The following AK9 variants were observed in gnomAD, a reference collection of about 807,000 sequenced individuals.
AK9 encodes the protein adenylate kinase domain containing 1.
A neutral mutation model predicts 239.6 loss-of-function variants in AK9; 191 were observed. That is an observed-to-expected ratio of 0.80 (90% CI 0.71 to 0.90). The LOEUF (loss-of-function observed/expected upper bound fraction) is 0.90, where lower values mean the gene tolerates loss of function less well. Ranked by LOEUF, AK9 falls within the 40% of genes least tolerant of loss-of-function variation. AK9 has a pLI of 0.00. For synonymous variants in AK9, 689 were observed against 721.0 expected (o/e 0.96, Z 0.71); for missense variants, 1,995 against 2,214.7 (o/e 0.90, Z 1.99).
chr6:109,622,500 T>C (rs185330567), intron 12 of AK9, among the ~76,000 whole-genome samples: 1 of 115,236 alleles, frequency 8.7e-6, no homozygotes, highest in Admixed American at 1.1e-4. Flanking sequence ...GTTAATATTA[T>C]ATTACTATTA....
intron 6 of AK9, among the ~76,000 whole-genome samples, chr6:109,659,948 T>C (rs1422141795): frequency 6.6e-6 from 1 of 152,200 alleles, no homozygotes; most frequent in Non-Finnish European, 1.5e-5. Flanking sequence ...ATGAGAAAAC[T>C]GAATCCAGGT....
At chr6:109,655,565 C>T (rs942930937) in intron 8 of AK9, among the ~76,000 whole-genome samples, 1 of 152,008 alleles carries the variant, frequency 6.6e-6, no homozygotes, top group Admixed American at 6.6e-5. Flanking sequence ...ATTCTTTTTC[C>T]TTTGTATCTT....
At chr6:109,691,010 T>C (rs1774315097) in intron 1 of AK9, 137 bp downstream of exon 1, 1 of 253,902 alleles carries the variant, frequency 3.9e-6, no homozygotes, top group Non-Finnish European at 7.9e-6. Context: ...GGATCTATCC[T>C]GCAACTCGGA....
rs747242201 is a variant in AK9 at position 109,529,074 on chromosome 6, C to A, written c.3571-1G>T. On this transcript the variant is annotated splice_acceptor_variant, in intron 28 of 40. Coordinates refer to ENST00000424296, the MANE Select transcript of AK9 (RefSeq NM_001145128.3). LOFTEE classifies it high-confidence loss of function. ...CCCTTCTTTTAGCAATCGTATCAACCTGTTAAAGAAAGAGACATTAAAAAA... is the reference window on the plus strand; with the variant it reads ...CCCTTCTTTTAGCAATCGTATCAACATGTTAAAGAAAGAGACATTAAAAAA... 13 of 1,566,424 alleles carry A rather than the reference C, an allele frequency of 8.3e-6. No homozygotes were observed. The highest frequency in any genetic ancestry group is 1.1e-5 in the Non-Finnish European group (13 of 1,164,456).
intron 15 of AK9, among the ~76,000 whole-genome samples, chr6:109,613,754 C>T (rs140064748): frequency 5.4e-4 from 81 of 151,264 alleles, no homozygotes; most frequent in Admixed American, 1.2e-3. Flanking sequence ...TAATGTAATG[C>T]TATATGCTCT....
chr6:109,659,134 C>T, intron 7 of AK9, 94 bp downstream of exon 7: 3 of 1,343,826 alleles, frequency 2.2e-6, no homozygotes, highest in Non-Finnish European at 2.9e-6. Context: ...AAATGTATAG[C>T]ATCTACTATT....
intron 29 of AK9, chr6:109,528,367 A>G (rs1780779038): frequency 5.5e-6 from 2 of 360,816 alleles, no homozygotes; most frequent in Admixed American, 3.7e-5. Flanking sequence ...AGTTTTGCTC[A>G]TGGCTGATTT....
At chr6:109,498,401 T>G (rs1777281522) in intron 36 of AK9, among the ~76,000 whole-genome samples, 2 of 152,252 alleles carry the variant, frequency 1.3e-5, no homozygotes, top group South Asian at 4.1e-4. Flanking sequence ...TTAAAAATTC[T>G]ATGATTACCA....
chr6:109,497,348 ACACACACACACACACT>A (rs1562314278), intron 38 of AK9, 101 bp downstream of exon 38: 2 of 623,310 alleles, frequency 3.2e-6, no homozygotes, highest in African/African-American at 5.4e-5. Flanking sequence ...ACACACACAC[ACACACACACACACACT>A]CTCTCTCTCT....
At chr6:109,599,223 C>G (rs1245575909) in intron 17 of AK9, among the ~76,000 whole-genome samples, 1 of 152,146 alleles carries the variant, frequency 6.6e-6, no homozygotes, top group Non-Finnish European at 1.5e-5. Context: ...ACATTTAAGT[C>G]TTTAATCCAT....
At chr6:109,531,501 C>A (rs1315567865) in intron 28 of AK9, among the ~76,000 whole-genome samples, 2 of 151,996 alleles carry the variant, frequency 1.3e-5, no homozygotes, top group African/African-American at 4.8e-5. Context: ...AGTACAACAG[C>A]CACTAGCTGT....
chr6:109,686,779 G>A (rs904200873), intron 1 of AK9, among the ~76,000 whole-genome samples: 1 of 152,208 alleles, frequency 6.6e-6, no homozygotes, highest in African/African-American at 2.4e-5. Flanking sequence ...CTGGTCATGG[G>A]ATATCAAGTG....
intron 35 of AK9, among the ~76,000 whole-genome samples, chr6:109,499,472 A>G (rs569514329): frequency 2.6e-5 from 4 of 152,142 alleles, no homozygotes; most frequent in Non-Finnish European, 4.4e-5. Flanking sequence ...TCTTTTTTCT[A>G]TACCTTCACA....
intron 8 of AK9, among the ~76,000 whole-genome samples, chr6:109,648,780 C>T (rs1468316195): frequency 6.6e-6 from 1 of 152,156 alleles, no homozygotes; most frequent in Non-Finnish European, 1.5e-5. Context: ...CTGGCAGAGA[C>T]ACAACCAAAA....
Position 109,523,929 on chromosome 6 carries a change from T to C in AK9, c.3633+5082A>G, listed in dbSNP as rs1010674588. Among the ~76,000 whole-genome samples, 5 of 152,082 alleles carry C rather than the reference T, an allele frequency of 3.3e-5. No individual in the cohort carries two copies. The South Asian group carries it at 1.0e-3, about 32-fold the overall frequency. ...TTCTCTTTGGAGGTACATAACAAAGTCCAGAATCCCCACAATATAACATTT... is the reference window on the plus strand; with the variant it reads ...TTCTCTTTGGAGGTACATAACAAAGCCCAGAATCCCCACAATATAACATTT... On this transcript the variant is annotated intron_variant, in intron 29 of 40. Transcript: ENST00000424296.
chr6:109,497,855 G>C lies in AK9; in HGVS notation c.5157C>G (p.Phe1719Leu). 1 of 1,613,292 alleles carries C rather than the reference G, an allele frequency of 6.2e-7. No homozygotes were observed. Among genetic ancestry groups the C allele is most frequent in the Non-Finnish European group, 8.5e-7 (1 of 1,179,306 alleles). ...RLTLSELKSR[F>L]PKCAELQGYC... ...AGCCCTGGAGCTCCGCACACTTAGG[G>C]AATCGACTCTTCAGCTCTGACAGTG... Residue 1719 changes from phenylalanine to leucine, a missense_variant, in exon 37 of 41, where the codon TTC (phenylalanine) becomes TTG (leucine). By Grantham distance (22) the Phe-to-Leu change is conservative. Transcript: ENST00000424296.
chr6:109,562,750 GT>G (rs11287572), intron 24 of AK9, among the ~76,000 whole-genome samples: 88,093 of 151,344 alleles, frequency 0.58, 27,293 homozygotes, highest in South Asian at 0.84. Flanking sequence ...AATTGGGAGG[GT>G]TTTTTTTTAA....
intron 29 of AK9, among the ~76,000 whole-genome samples, chr6:109,519,632 G>A (rs981328736): frequency 4.6e-5 from 7 of 151,608 alleles, no homozygotes; most frequent in Admixed American, 2.6e-4. Context: ...CTGTCTCTCC[G>A]AAAGTAAAAA....
intron 3 of AK9, 28 bp downstream of exon 3, chr6:109,674,170 A>T (rs1329986291): frequency 6.6e-7 from 1 of 1,523,316 alleles, no homozygotes; most frequent in Non-Finnish European, 8.9e-7. Context: ...TTCATAATAA[A>T]ATATTAGAGA....
Sources: gnomAD v4.1 joint callset for allele counts (sites outside exome capture counted in the v4.1 genomes callset) on GRCh38, gnomAD v4.1.1 for gene constraint, MANE v1.5 for transcripts, NCBI Gene and HGNC (gene_info 2026-07-23, HGNC 2026-07-21) for gene names.